UTS2B: variants seen among roughly 807,000 people sequenced by gnomAD.
UTS2B encodes urotensin-2B.
A neutral mutation model predicts 19.2 loss-of-function variants in UTS2B; 21 were observed. That is an observed-to-expected ratio of 1.09 (90% confidence interval 0.78 to 1.58). The LOEUF (loss-of-function observed/expected upper bound fraction) is 1.58. Among genes scored for constraint, UTS2B ranks in the 40% most tolerant of loss-of-function variants. The probability of loss-of-function intolerance (pLI) is 0.00; values close to 1 mark genes in which losing one functional copy is unlikely to be tolerated. For missense variants in UTS2B, 138 were observed against 130.3 expected (o/e 1.06, Z -0.29); for synonymous variants, 57 against 50.2 (o/e 1.14, Z -0.58).
At chr3:191,322,688 G>GA (rs1473320506) in intron 2 of UTS2B, among the ~76,000 whole-genome samples, 1 of 152,024 alleles carries the variant, frequency 6.6e-6, no homozygotes, top group African/African-American at 2.4e-5. Context: ...AGTTTTAGAG[G>GA]AAAAAATAAT....
At chr3:191,319,716 A>G (rs1355590515) in intron 2 of UTS2B, among the ~76,000 whole-genome samples, 1 of 150,844 alleles carries the variant, frequency 6.6e-6, no homozygotes, top group Non-Finnish European at 1.5e-5. Context: ...AAAAAAAAAA[A>G]AATTAGCCAG....
rs549090119 is a variant in UTS2B, at chr3:191,298,994, A to C, written c.-125+5498T>G. 2.7e-4 allele frequency among the ~76,000 whole-genome samples: 41 copies of C among 152,336 alleles called. 1 individual carries two copies. In the South Asian group the frequency reaches 3.5e-3, roughly 13 times the overall value. On this transcript the variant is annotated intron_variant, in intron 4 of 8. Transcript: ENST00000340524. ...ACTTTGAAATTGATAGTGATGATTT[A>C]GGGTGGCAGAAGAGATTTCTAAGCA...
the UTS2B span, among the ~76,000 whole-genome samples, chr3:191,344,440 T>C: frequency 4.9e-4 from 75 of 152,362 alleles, 1 homozygote; most frequent in African/African-American, 1.7e-3. Flanking sequence ...ATTTATATTA[T>C]ATGTAACAGT....
chr3:191,326,852 G>C (rs1288323390), intron 2 of UTS2B, among the ~76,000 whole-genome samples: 1 of 152,230 alleles, frequency 6.6e-6, no homozygotes, highest in Non-Finnish European at 1.5e-5. Context: ...ATACAGAACA[G>C]GTGTGGAGTA....
At chr3:191,304,783 A>G (rs920645944) in intron 3 of UTS2B, among the ~76,000 whole-genome samples, 2 of 152,172 alleles carry the variant, frequency 1.3e-5, no homozygotes, top group African/African-American at 4.8e-5. Flanking sequence ...GGTAGTAAGC[A>G]TATATCCATT....
intron 4 of UTS2B, among the ~76,000 whole-genome samples, chr3:191,292,361 T>C (rs1335567727): frequency 6.6e-6 from 1 of 152,210 alleles, no homozygotes; most frequent in African/African-American, 2.4e-5. Flanking sequence ...TTTTTGATGC[T>C]ATTTCAAGTG....
At chr3:191,325,649 C>A (rs1281182954) in intron 2 of UTS2B, among the ~76,000 whole-genome samples, 1 of 152,152 alleles carries the variant, frequency 6.6e-6, no homozygotes, top group African/African-American at 2.4e-5. Context: ...CTAAACTGTA[C>A]GGTTGGATTA....
At position 191,316,273 on chromosome 3, in the gene UTS2B, G is replaced by C. The variant is rs936494239; in HGVS notation, c.-419C>G. The C allele has an allele frequency of 2.0e-5, 3 of 152,728 alleles. No individual in the cohort carries two copies. The highest frequency in any genetic ancestry group is 2.9e-5 in the Non-Finnish European group (2 of 68,512). 9.5% of individuals were successfully genotyped at this position (152,728 alleles called of 1,614,324 possible). On this transcript the variant is annotated 5_prime_UTR_variant, in exon 3 of 9. Transcript: ENST00000340524. ...TTAAAGAATGAAGCCGCAGATCCTC[G>C]CAGTGAGTGTTACAGTTCTTAAAGA...
rs140655291 is a variant in UTS2B, at chr3:191,275,217, G to C, written c.334+35C>G. On this transcript the variant is annotated intron_variant, in intron 8 of 8. Transcript: ENST00000340524. ...AAATTACTGCAAAAATAATCTTTTG[G>C]AAGTCAATCTTAAAACCTTGAAATG... The C allele has an allele frequency of 8.6e-4, 1,253 of 1,465,196 alleles. 7 individuals carry two copies. In the African/African-American group the frequency reaches 0.015, roughly 18 times the overall value. The allele number at this position is 1,465,196 out of a possible 1,614,324, so 90.8% of individuals were successfully genotyped here. A position where few individuals can be genotyped will look rare whatever the true frequency, so the allele number is the denominator to read the frequency against.
rs567323526 is a variant in UTS2B at position 191,280,208 on chromosome 3, C to T, written c.103+1879G>A. Reference sequence around the variant, plus strand: ...GAAAGAAATCTGGAAACTCCCAAAACGATTAAATTCACAAAAATAAATTTC... The same window carrying T: ...GAAAGAAATCTGGAAACTCCCAAAATGATTAAATTCACAAAAATAAATTTC... On this transcript the variant is annotated intron_variant, in intron 5 of 8. Transcript: ENST00000340524. Among the ~76,000 whole-genome samples, 5 of 152,206 alleles carry T rather than the reference C, an allele frequency of 3.3e-5. No homozygotes were observed. In the East Asian group the frequency reaches 5.8e-4, roughly 18 times the overall value.
At chr3:191,297,078 CT>C (rs1716876622) in intron 4 of UTS2B, among the ~76,000 whole-genome samples, 1 of 152,152 alleles carries the variant, frequency 6.6e-6, no homozygotes, top group Admixed American at 6.5e-5. Context: ...ATGAGAATCT[CT>C]TCAAATGAAG....
the UTS2B span, among the ~76,000 whole-genome samples, chr3:191,344,410 A>G: frequency 6.6e-6 from 1 of 152,166 alleles, no homozygotes; most frequent in Admixed American, 6.5e-5. Flanking sequence ...AACTGAGGAG[A>G]TCTGAATTTT....
Position 191,267,893 on chromosome 3 carries a change from T to A in UTS2B, c.*523A>T, listed in dbSNP as rs1054569243. ...TGATTAGCAAGATATTAATCAGCAG[T>A]AACAATTGTAACAAAAGCTGGTTAC... is the stretch of plus-strand genomic sequence containing the variant. On this transcript the variant is annotated 3_prime_UTR_variant, in exon 9 of 9. Transcript: ENST00000340524. 1 of 152,098 alleles carries A rather than the reference T, an allele frequency of 6.6e-6. No homozygotes were observed. Among genetic ancestry groups the A allele is most frequent in the African/African-American group, 2.4e-5 (1 of 41,370 alleles). 9.4% of individuals were successfully genotyped at this position (152,098 alleles called of 1,614,324 possible).
chr3:191,276,762 A>G, intron 7 of UTS2B, 45 bp downstream of exon 7: 1 of 1,530,458 alleles, frequency 6.5e-7, no homozygotes, highest in Non-Finnish European at 8.9e-7. Context: ...AAATTTCCTT[A>G]TAATTGTTAT....
intron 8 of UTS2B, among the ~76,000 whole-genome samples, chr3:191,269,982 T>A (rs1172682791): frequency 2.0e-5 from 3 of 152,248 alleles, no homozygotes; most frequent in Non-Finnish European, 2.9e-5. Context: ...GGCTGTCTTG[T>A]TAACTCTTGT....
chr3:191,315,459 C>G (rs1717422836), intron 3 of UTS2B, among the ~76,000 whole-genome samples: 1 of 152,190 alleles, frequency 6.6e-6, no homozygotes, highest in African/African-American at 2.4e-5. Flanking sequence ...CCCTAAGCTG[C>G]TGGATCTGAT....
At position 191,312,146 on chromosome 3, in the gene UTS2B, T is replaced by G. The variant is rs373927836; in HGVS notation, c.-182+3890A>C. Reference sequence around the variant, plus strand: ...CAGCGTGGGTGACAGAGCAAGATTCTGTCTCAAAAAAAAAAAAAAAAAGGC... The same window carrying G: ...CAGCGTGGGTGACAGAGCAAGATTCGGTCTCAAAAAAAAAAAAAAAAAGGC... On this transcript the variant is annotated intron_variant, in intron 3 of 8. Coordinates refer to ENST00000340524, the MANE Select transcript of UTS2B (RefSeq NM_198152.5). Among the ~76,000 whole-genome samples, 37 of 147,800 alleles carry G rather than the reference T, an allele frequency of 2.5e-4. No individual in the cohort carries two copies. In the East Asian group the frequency reaches 4.2e-3, roughly 17 times the overall value.
intron 4 of UTS2B, among the ~76,000 whole-genome samples, chr3:191,301,483 A>ATTTTTTT (rs750203551): frequency 5.3e-5 from 6 of 113,842 alleles, no homozygotes; most frequent in East Asian, 2.5e-4. Context: ...ATTTTTGGTA[A>ATTTTTTT]TTTTTTTTTT....
chr3:191,297,817 C>A (rs73888531), intron 4 of UTS2B, among the ~76,000 whole-genome samples: 1 of 152,110 alleles, frequency 6.6e-6, no homozygotes, highest in Admixed American at 6.5e-5. Context: ...TCTCTATTTA[C>A]GAACCAAATT....
Sources: allele counts gnomAD v4.1 joint callset (sites outside exome capture counted in the v4.1 genomes callset), GRCh38; gene constraint gnomAD v4.1.1; transcripts MANE v1.5; gene names NCBI Gene and HGNC (gene_info 2026-07-23, HGNC 2026-07-21).